ALDH1A1: variants seen among roughly 807,000 people sequenced by gnomAD.
The protein encoded by ALDH1A1 is aldehyde dehydrogenase 1 family member A1.
ALDH1A1 carries 19 observed loss-of-function variants against 62.1 expected under a neutral mutation model. The observed-to-expected ratio is 0.31, with a 90% CI of 0.21 to 0.45. ALDH1A1 has a LOEUF of 0.45. Among genes scored for constraint, ALDH1A1 ranks in the 20% least tolerant of loss-of-function variants. The probability of loss-of-function intolerance (pLI) is 1.00; values close to 1 mark genes in which losing one functional copy is unlikely to be tolerated. For synonymous variants in ALDH1A1, 231 were observed against 215.9 expected (o/e 1.07, Z -0.61); for missense variants, 521 against 607.1 (o/e 0.86, Z 1.49).
At chr9:72,938,617 T>A (rs1830375332) in intron 2 of ALDH1A1, among the ~76,000 whole-genome samples, 1 of 152,110 alleles carries the variant, frequency 6.6e-6, no homozygotes, top group Non-Finnish European at 1.5e-5. Flanking sequence ...CAGCTAATTT[T>A]TGTATTTTCA....
At chr9:72,919,502 AC>A (rs1830109958) in intron 7 of ALDH1A1, among the ~76,000 whole-genome samples, 1 of 152,144 alleles carries the variant, frequency 6.6e-6, no homozygotes, top group African/African-American at 2.4e-5. Flanking sequence ...AAATGACAGG[AC>A]CATTTCTTTT....
chr9:72,939,264 A>G lies in ALDH1A1; in HGVS notation c.171+884T>C, dbSNP rs572896488. On this transcript the variant is annotated intron_variant, in intron 2 of 12. Transcript: ENST00000297785. ...ATAGGGTTGCTTTAAGTTTTAAATG[A>G]AGATAGCATTTAGAACTTGAGAACA... Among the ~76,000 whole-genome samples, 37 of 152,290 alleles carry G rather than the reference A, an allele frequency of 2.4e-4. 1 individual carries two copies. In the East Asian group the frequency reaches 6.2e-3, roughly 25 times the overall value.
intron 11 of ALDH1A1, among the ~76,000 whole-genome samples, chr9:72,909,154 G>GGT (rs1564623273): frequency 1.0e-4 from 9 of 87,754 alleles, no homozygotes; most frequent in Non-Finnish European, 4.6e-5. Context: ...TTCCAATACA[G>GGT]CTTTTTTTTT....
chr9:72,929,051 A>G, intron 3 of ALDH1A1, 30 bp from the exon 4 acceptor site: 1 of 1,486,296 alleles, frequency 6.7e-7, no homozygotes, highest in Non-Finnish European at 8.9e-7. Flanking sequence ...CCAAATCTAA[A>G]ATTCCATAAG....
intron 10 of ALDH1A1, among the ~76,000 whole-genome samples, chr9:72,911,239 A>G (rs1169928259): frequency 6.6e-6 from 1 of 152,144 alleles, no homozygotes; most frequent in Non-Finnish European, 1.5e-5. Context: ...GAGCACATAG[A>G]AGGTAGGGAG....
intron 12 of ALDH1A1, among the ~76,000 whole-genome samples, chr9:72,903,611 A>G (rs1829834862): frequency 1.0e-5 from 1 of 100,310 alleles, no homozygotes; most frequent in Non-Finnish European, 2.2e-5. Context: ...TTTTGAAGTA[A>G]AAAAAAAAAA....
At chr9:72,914,312 G>A (rs1237924152) in intron 9 of ALDH1A1, among the ~76,000 whole-genome samples, 6 of 152,184 alleles carry the variant, frequency 3.9e-5, no homozygotes, top group Non-Finnish European at 5.9e-5. Flanking sequence ...GTCACCATGG[G>A]TATAAATGGA....
intron 9 of ALDH1A1, among the ~76,000 whole-genome samples, chr9:72,913,532 T>C (rs1017392004): frequency 6.6e-6 from 1 of 152,186 alleles, no homozygotes; most frequent in African/African-American, 2.4e-5. Context: ...TGGAACATAT[T>C]AATCTGACTA....
At chr9:72,913,697 A>G (rs1830021008) in intron 9 of ALDH1A1, among the ~76,000 whole-genome samples, 1 of 152,262 alleles carries the variant, frequency 6.6e-6, no homozygotes. Context: ...TGGAAAACTT[A>G]GATGGTCGCT....
intron 4 of ALDH1A1, among the ~76,000 whole-genome samples, 181 bp downstream of exon 4, chr9:72,928,711 G>C (rs1244940099): frequency 6.6e-6 from 1 of 152,150 alleles, no homozygotes; most frequent in Non-Finnish European, 1.5e-5. Context: ...AACTTTAAAA[G>C]ACCTTTTATG....
intron 3 of ALDH1A1, among the ~76,000 whole-genome samples, chr9:72,930,637 T>A (rs906785737): frequency 3.9e-5 from 6 of 152,210 alleles, no homozygotes; most frequent in African/African-American, 1.2e-4. Context: ...TAACTTGGGT[T>A]TGCTAAAGTT....
chr9:72,901,940 A>G (rs2118467755), intron 12 of ALDH1A1, among the ~76,000 whole-genome samples: 1 of 152,216 alleles, frequency 6.6e-6, no homozygotes, highest in Middle Eastern at 3.4e-3. Flanking sequence ...GGCAAAACAA[A>G]AACATGACCT....
At chr9:72,931,332 C>T (rs1439577121) in intron 2 of ALDH1A1, among the ~76,000 whole-genome samples, 1 of 152,192 alleles carries the variant, frequency 6.6e-6, no homozygotes, top group African/African-American at 2.4e-5. Flanking sequence ...GACTTTATAC[C>T]TATTAGCTCA....
chr9:72,952,840 C>T, intron 1 of ALDH1A1, 95 bp downstream of exon 1: 1 of 1,421,718 alleles, frequency 7.0e-7, no homozygotes, highest in Non-Finnish European at 9.6e-7. Context: ...GCAAAGGGCT[C>T]TTTACACAAG....
At chr9:72,926,269 A>G (rs368357205) in intron 5 of ALDH1A1, among the ~76,000 whole-genome samples, 4 of 152,248 alleles carry the variant, frequency 2.6e-5, no homozygotes, top group Admixed American at 1.3e-4. Context: ...CAAGTAGTAC[A>G]TATCAGCTAT....
intron 8 of ALDH1A1, among the ~76,000 whole-genome samples, chr9:72,918,094 C>T (rs193089979): frequency 6.6e-6 from 1 of 152,274 alleles, no homozygotes; most frequent in Non-Finnish European, 1.5e-5. Context: ...GAATGTTTGA[C>T]CATGCATTTC....
chr9:72,918,857 C>G (rs764203123), intron 7 of ALDH1A1, 35 bp from the exon 8 acceptor site: 1 of 1,495,510 alleles, frequency 6.7e-7, no homozygotes, highest in South Asian at 1.1e-5. Context: ...GAGGCTTACC[C>G]TGCTCTCATG....
intron 5 of ALDH1A1, among the ~76,000 whole-genome samples, chr9:72,926,810 G>A (rs891874337): frequency 6.6e-6 from 1 of 152,162 alleles, no homozygotes; most frequent in Non-Finnish European, 1.5e-5. Flanking sequence ...TGTAAAGCTT[G>A]GCTCTTATAA....
intron 12 of ALDH1A1, among the ~76,000 whole-genome samples, chr9:72,904,819 C>T (rs912682226): frequency 2.6e-5 from 4 of 152,042 alleles, no homozygotes; most frequent in African/African-American, 9.7e-5. Flanking sequence ...TATGGAATCC[C>T]AGTGTATTAC....
Sources: allele counts gnomAD v4.1 joint callset (sites outside exome capture counted in the v4.1 genomes callset), GRCh38; gene constraint gnomAD v4.1.1; transcripts MANE v1.5; gene names NCBI Gene and HGNC (gene_info 2026-07-23, HGNC 2026-07-21).